Variants in DLG2 observed in about 807,000 individuals in gnomAD.
DLG2 encodes the protein discs large MAGUK scaffold protein 2.
In DLG2, 45 loss-of-function variants were observed where a neutral mutation model predicts 132.5. That is an observed-to-expected ratio of 0.34 (90% CI 0.27 to 0.44). DLG2 has a LOEUF of 0.44. Among genes scored for constraint, DLG2 ranks in the 20% least tolerant of loss-of-function variants. The pLI, the probability that DLG2 is intolerant of heterozygous loss-of-function variation, is 1.00. For synonymous variants in DLG2, 424 were observed against 419.6 expected, an observed-to-expected ratio of 1.01 and a Z score of -0.13; for missense variants, 1,045 against 1,196.9, an observed-to-expected ratio of 0.87 and a Z score of 1.87.
At chr11:83,734,561 C>T (rs1593308865) in intron 18 of DLG2, among the ~76,000 whole-genome samples, 2 of 152,238 alleles carry the variant, frequency 1.3e-5, no homozygotes, top group South Asian at 4.1e-4. Flanking sequence ...AGCGATTCTT[C>T]TTCCTCAGCC....
At chr11:85,076,799 C>A (rs1188895189) in intron 6 of DLG2, among the ~76,000 whole-genome samples, 1 of 151,982 alleles carries the variant, frequency 6.6e-6, no homozygotes, top group Non-Finnish European at 1.5e-5. Context: ...TCCCACAAAC[C>A]AGAGTGAAAG....
intron 7 of DLG2, among the ~76,000 whole-genome samples, chr11:84,355,437 G>C (rs558656981): frequency 6.6e-6 from 1 of 152,092 alleles, no homozygotes; most frequent in East Asian, 1.9e-4. Context: ...TTATAAAAGA[G>C]TCCCCAGAGA....
chr11:85,038,742 G>A (rs932060407), intron 6 of DLG2, among the ~76,000 whole-genome samples: 20 of 151,964 alleles, frequency 1.3e-4, no homozygotes, highest in Non-Finnish European at 2.9e-4. Context: ...CTATAAAGTG[G>A]CCACTGATGT....
intron 6 of DLG2, among the ~76,000 whole-genome samples, chr11:84,656,540 G>A (rs1251493421): frequency 1.3e-5 from 2 of 152,140 alleles, no homozygotes; most frequent in Non-Finnish European, 2.9e-5. Context: ...TGGGCTAGAT[G>A]TCATAAATCT....
chr11:84,945,587 C>G (rs1195630413), intron 6 of DLG2, among the ~76,000 whole-genome samples: 2 of 152,208 alleles, frequency 1.3e-5, no homozygotes, highest in African/African-American at 4.8e-5. Flanking sequence ...TCCCTCAAGG[C>G]TCAAGTGCTT....
In DLG2 at chr11:84,114,187, C is replaced by T. The variant is rs551574250; in HGVS notation, c.625-15140G>A. ...AAAATTTCAGTTTTAATTTCGAATACGGTAAATACTGTAGACAGAATACAC... is the reference window on the plus strand; with the variant it reads ...AAAATTTCAGTTTTAATTTCGAATATGGTAAATACTGTAGACAGAATACAC... On this transcript the variant is annotated intron_variant, in intron 9 of 27. Transcript: ENST00000376104. Among the ~76,000 whole-genome samples, 420 of 151,756 alleles carry T rather than the reference C, an allele frequency of 2.8e-3. 4 individuals carry two copies. The highest frequency in any genetic ancestry group is 5.2e-3 in the Non-Finnish European group (350 of 67,888).
At chr11:84,392,114 T>C (rs1378541411) in intron 7 of DLG2, among the ~76,000 whole-genome samples, 5 of 152,198 alleles carry the variant, frequency 3.3e-5, no homozygotes, top group African/African-American at 7.2e-5. Flanking sequence ...GTGCTAAATA[T>C]GACTTTTTCC....
intron 7 of DLG2, among the ~76,000 whole-genome samples, chr11:84,281,429 T>A (rs1013423721): frequency 6.6e-6 from 1 of 152,160 alleles, no homozygotes; most frequent in African/African-American, 2.4e-5. Flanking sequence ...ATAACTCTTT[T>A]TTTTTGTCTT....
At chr11:84,086,955 T>C (rs930572798) in intron 10 of DLG2, among the ~76,000 whole-genome samples, 5 of 152,224 alleles carry the variant, frequency 3.3e-5, no homozygotes, top group Non-Finnish European at 7.3e-5. Flanking sequence ...ACTTAGCATG[T>C]TTTCAAGTTT....
At chr11:84,084,880 T>G (rs966057735) in intron 10 of DLG2, among the ~76,000 whole-genome samples, 1 of 152,170 alleles carries the variant, frequency 6.6e-6, no homozygotes, top group African/African-American at 2.4e-5. Context: ...CTCCTAGTAA[T>G]TTTCTGTCCA....
intron 3 of DLG2, among the ~76,000 whole-genome samples, chr11:85,369,200 C>T (rs933113801): frequency 9.2e-5 from 14 of 152,034 alleles, no homozygotes; most frequent in East Asian, 3.9e-4. Flanking sequence ...GACAGGCAAG[C>T]GGGGTCTCCT....
At chr11:83,850,961 G>T (rs1197109714) in intron 16 of DLG2, among the ~76,000 whole-genome samples, 1 of 152,114 alleles carries the variant, frequency 6.6e-6, no homozygotes, top group African/African-American at 2.4e-5. Flanking sequence ...CAGATCACGA[G>T]GTCAGGAGAT....
intron 21 of DLG2, among the ~76,000 whole-genome samples, chr11:83,507,976 G>C (rs1354120691): frequency 6.6e-6 from 1 of 151,302 alleles, no homozygotes; most frequent in Non-Finnish European, 1.5e-5. Context: ...GGGAGGTTAG[G>C]CCAGTCTAGT....
intron 6 of DLG2, among the ~76,000 whole-genome samples, chr11:85,076,558 G>T (rs1042177631): frequency 6.6e-6 from 1 of 152,020 alleles, no homozygotes; most frequent in African/African-American, 2.4e-5. Flanking sequence ...TGCCAGAGAA[G>T]TAACTGCCTT....
intron 3 of DLG2, among the ~76,000 whole-genome samples, chr11:85,313,990 T>C (rs1565309413): frequency 6.6e-6 from 1 of 151,926 alleles, no homozygotes; most frequent in Non-Finnish European, 1.5e-5. Flanking sequence ...ACAGCAAAAG[T>C]TGTATATAAG....
At chr11:84,552,006 C>CA (rs1252467462) in intron 6 of DLG2, among the ~76,000 whole-genome samples, 1 of 152,130 alleles carries the variant, frequency 6.6e-6, no homozygotes, top group African/African-American at 2.4e-5. Context: ...CTCCTAATAT[C>CA]AGAGTGAAGG....
chr11:84,768,864 C>T (rs972043883), intron 6 of DLG2, among the ~76,000 whole-genome samples: 4 of 152,050 alleles, frequency 2.6e-5, no homozygotes, highest in African/African-American at 9.7e-5. Flanking sequence ...CTCTCTAGGC[C>T]AGCTCCTCCC....
chr11:84,406,477 C>T (rs760476828), intron 7 of DLG2, among the ~76,000 whole-genome samples: 8 of 152,008 alleles, frequency 5.3e-5, no homozygotes, highest in African/African-American at 1.2e-4. Flanking sequence ...CACCACCATA[C>T]GATGTTAATT....
In DLG2 at chr11:83,559,368, T is replaced by C. The variant is rs1419436522; in HGVS notation, c.1941-17510A>G. On this transcript the variant is annotated intron_variant, in intron 19 of 27. Coordinates refer to ENST00000376104, the MANE Select transcript of DLG2 (RefSeq NM_001142699.3). ...ATTACTCGCATAATCTTGTTGTTCCTGTTGTGTGTATCAACAGCCTTCAGG... is the reference window on the plus strand; with the variant it reads ...ATTACTCGCATAATCTTGTTGTTCCCGTTGTGTGTATCAACAGCCTTCAGG... Among the ~76,000 whole-genome samples, 3 of 152,200 alleles carry C rather than the reference T, an allele frequency of 2.0e-5. No homozygotes were observed. In the East Asian group the frequency reaches 5.8e-4, roughly 29 times the overall value.
Sources: allele counts gnomAD v4.1 joint callset (sites outside exome capture counted in the v4.1 genomes callset), GRCh38; gene constraint gnomAD v4.1.1; transcripts MANE v1.5; gene names NCBI Gene and HGNC (gene_info 2026-07-23, HGNC 2026-07-21).